RIMS1: variants seen among roughly 807,000 people sequenced by gnomAD.
The protein encoded by RIMS1 is regulating synaptic membrane exocytosis protein 1.
Under a neutral mutation model 214.1 loss-of-function variants are expected in RIMS1, and 83 were observed. That is an observed-to-expected ratio of 0.39 (90% confidence interval 0.32 to 0.47). RIMS1 has a LOEUF of 0.47. Among genes scored for constraint, RIMS1 ranks in the 20% least tolerant of loss-of-function variants. RIMS1 has a pLI of 0.99. For missense variants in RIMS1, 2,050 were observed against 2,161.8 expected (o/e 0.95, Z 1.03); for synonymous variants, 793 against 786.8 (o/e 1.01, Z -0.13).
chr6:72,105,335 T>C (rs1266793640), intron 4 of RIMS1, among the ~76,000 whole-genome samples: 1 of 152,148 alleles, frequency 6.6e-6, no homozygotes, highest in Non-Finnish European at 1.5e-5. Flanking sequence ...ATCTCATTCT[T>C]TTCAATAAAT....
chr6:72,023,229 T>C (rs1815271703), intron 2 of RIMS1, among the ~76,000 whole-genome samples: 1 of 152,188 alleles, frequency 6.6e-6, no homozygotes, highest in Non-Finnish European at 1.5e-5. Flanking sequence ...AGAAAAATAT[T>C]GTTAAACGTT....
intron 6 of RIMS1, among the ~76,000 whole-genome samples, chr6:72,202,200 T>C (rs1025125002): frequency 3.3e-5 from 5 of 152,198 alleles, no homozygotes; most frequent in Non-Finnish European, 5.9e-5. Flanking sequence ...AATAATTGTA[T>C]TAGTTTCCAA....
intron 2 of RIMS1, among the ~76,000 whole-genome samples, chr6:72,057,674 A>G (rs1024716729): frequency 4.0e-5 from 6 of 151,674 alleles, no homozygotes; most frequent in African/African-American, 1.5e-4. Context: ...CTACTAGCTA[A>G]TTTTTTGTAT....
chr6:72,228,582 GT>G (rs1477581490), intron 6 of RIMS1, among the ~76,000 whole-genome samples: 2 of 151,848 alleles, frequency 1.3e-5, no homozygotes, highest in African/African-American at 4.8e-5. Flanking sequence ...AGTGAACATT[GT>G]TTCAACCTCT....
At chr6:72,264,170 T>A (rs1024751094) in intron 19 of RIMS1, among the ~76,000 whole-genome samples, 5 of 152,136 alleles carry the variant, frequency 3.3e-5, no homozygotes, top group Non-Finnish European at 5.9e-5. Context: ...TACTGCTAGC[T>A]GAGATAGATG....
chr6:72,222,454 AT>A (rs1401933776), intron 6 of RIMS1, among the ~76,000 whole-genome samples: 1 of 152,102 alleles, frequency 6.6e-6, no homozygotes, highest in African/African-American at 2.4e-5. Context: ...GATAAGAGTT[AT>A]TATTTACAGT....
intron 7 of RIMS1, among the ~76,000 whole-genome samples, chr6:72,235,410 C>T (rs553888075): frequency 6.6e-6 from 1 of 151,988 alleles, no homozygotes; most frequent in Non-Finnish European, 1.5e-5. Context: ...ACTACAACAT[C>T]AACGTTTTTT....
intron 2 of RIMS1, among the ~76,000 whole-genome samples, chr6:72,025,684 AC>A (rs1214681591): frequency 6.6e-6 from 1 of 152,122 alleles, no homozygotes; most frequent in Admixed American, 6.6e-5. Context: ...CGCATAAATT[AC>A]CCCTAAATGT....
chr6:72,258,228 C>T lies in RIMS1; in HGVS notation c.2874C>T (p.Arg958=), dbSNP rs77297702. 290 of 1,613,344 alleles carry T rather than the reference C, an allele frequency of 1.8e-4. 1 individual carries two copies. The highest frequency in any genetic ancestry group is 1.8e-4 in the Non-Finnish European group (214 of 1,179,550). Residue 958 remains arginine (R), a synonymous_variant, in exon 17 of 34, where the codon CGC becomes CGT. Transcript: ENST00000521978. ...GCTCACGTTCAGTATCTCCTCATCG[C>T]GGCAATGATCAGGGAAAGCCGCGTT... ...HHRSRSVSPH[R]GNDQGKPRSR...
At chr6:72,274,020 G>A (rs2084820084) in intron 22 of RIMS1, among the ~76,000 whole-genome samples, 1 of 151,988 alleles carries the variant, frequency 6.6e-6, no homozygotes, top group Non-Finnish European at 1.5e-5. Context: ...AGAACTTAAA[G>A]TTACATTAAT....
Position 71,924,632 on chromosome 6 carries a change from A to AG in RIMS1, c.164+37445_164+37446insG, listed in dbSNP as rs1409438049. 1.8e-3 allele frequency among the ~76,000 whole-genome samples: 255 copies of AG among 144,830 alleles called. 1 individual carries two copies. Among genetic ancestry groups the AG allele is most frequent in the Non-Finnish European group, 3.2e-3 (210 of 65,746 alleles). ...AACACAGCAAAACCCCATCTCTGCA[A>AG]AAAAAAAAAAAAAAAATGCAGAAAA... On this transcript the variant is annotated intron_variant, in intron 1 of 33. Transcript: ENST00000521978.
At chr6:72,166,267 GAGAA>G (rs1453984443) in intron 4 of RIMS1, among the ~76,000 whole-genome samples, 2 of 149,542 alleles carry the variant, frequency 1.3e-5, no homozygotes, top group African/African-American at 4.9e-5. Context: ...CAGAGACAGA[GAGAA>G]AGAGAGACAG....
chr6:72,253,929 A>T (rs1321783272), intron 16 of RIMS1, among the ~76,000 whole-genome samples: 1 of 152,112 alleles, frequency 6.6e-6, no homozygotes, highest in Non-Finnish European at 1.5e-5. Flanking sequence ...ACAGTGGCAC[A>T]ATCTCAGCTC....
intron 4 of RIMS1, among the ~76,000 whole-genome samples, chr6:72,114,134 G>T (rs2036622379): frequency 1.3e-5 from 2 of 152,036 alleles, no homozygotes; most frequent in Admixed American, 6.6e-5. Flanking sequence ...GTAAGATATT[G>T]TGATGATTAG....
chr6:72,048,546 G>GA (rs1231720830), intron 2 of RIMS1, among the ~76,000 whole-genome samples: 1 of 151,854 alleles, frequency 6.6e-6, no homozygotes, highest in Non-Finnish European at 1.5e-5. Flanking sequence ...AAATAAAATA[G>GA]AAAAAAAAGT....
chr6:72,191,567 A>T (rs2463718), intron 6 of RIMS1, among the ~76,000 whole-genome samples: 3 of 152,224 alleles, frequency 2.0e-5, no homozygotes, highest in Non-Finnish European at 4.4e-5. Context: ...ATGACACAAA[A>T]CCAGAGAGTT....
At chr6:72,047,111 A>G (rs1823284727) in intron 2 of RIMS1, among the ~76,000 whole-genome samples, 1 of 152,200 alleles carries the variant, frequency 6.6e-6, no homozygotes, top group Non-Finnish European at 1.5e-5. Flanking sequence ...TAAAGAAACA[A>G]TAGATATTTT....
At chr6:71,961,107 G>A (rs189632615) in intron 1 of RIMS1, among the ~76,000 whole-genome samples, 1 of 152,204 alleles carries the variant, frequency 6.6e-6, no homozygotes, top group East Asian at 1.9e-4. Context: ...TCTGCCTCTA[G>A]GAACTGAGTT....
chr6:72,252,739 T>C (rs2073999320), intron 15 of RIMS1, 22 bp from the exon 16 acceptor site: 1 of 1,549,222 alleles, frequency 6.5e-7, no homozygotes, highest in Non-Finnish European at 8.7e-7. Flanking sequence ...CAGAAGTATC[T>C]CTTTGCCTTA....
Sources: gnomAD v4.1 joint callset for allele counts (sites outside exome capture counted in the v4.1 genomes callset) on GRCh38, gnomAD v4.1.1 for gene constraint, MANE v1.5 for transcripts, NCBI Gene and HGNC (gene_info 2026-07-23, HGNC 2026-07-21) for gene names.